Variants in PCSK6 observed in about 807,000 individuals in gnomAD.
The protein encoded by PCSK6 is paired basic amino acid cleaving enzyme 4.
In PCSK6, 85 loss-of-function variants were observed where a neutral mutation model predicts 123.3. The observed-to-expected ratio is 0.69, with a 90% confidence interval of 0.58 to 0.83. The LOEUF is 0.83. Ranked by LOEUF, PCSK6 falls within the 40% of genes least tolerant of loss-of-function variation. The pLI is 0.00. For synonymous variants in PCSK6, 508 were observed against 516.0 expected (o/e 0.98, Z 0.21); for missense variants, 1,191 against 1,282.3 (o/e 0.93, Z 1.09).
chr15:101,409,622 T>C (rs2042886236), intron 6 of PCSK6, among the ~76,000 whole-genome samples: 1 of 150,054 alleles, frequency 6.7e-6, no homozygotes, highest in South Asian at 2.1e-4. Context: ...TGTACCATAA[T>C]GCAGTGTCCC....
chr15:101,379,046 C>T lies in PCSK6; in HGVS notation c.1532+3046G>A, dbSNP rs113874670. 3.7e-3 allele frequency among the ~76,000 whole-genome samples: 564 copies of T among 152,366 alleles called. 6 individuals carry two copies. Among genetic ancestry groups the T allele is most frequent in the African/African-American group, 0.013 (531 of 41,592 alleles). ...GCCACTGGGGCAGCGTTGGAGACAGCAGCTCCGCAGGGGGACACCATGGGT... is the reference window on the plus strand; with the variant it reads ...GCCACTGGGGCAGCGTTGGAGACAGTAGCTCCGCAGGGGGACACCATGGGT... On this transcript the variant is annotated intron_variant, in intron 11 of 21. Coordinates refer to ENST00000611716, the MANE Select transcript of PCSK6 (RefSeq NM_002570.5).
chr15:101,472,252 G>A (rs1596373218), intron 1 of PCSK6, among the ~76,000 whole-genome samples: 1 of 152,212 alleles, frequency 6.6e-6, no homozygotes, highest in East Asian at 1.9e-4. Context: ...TGCTATGAAG[G>A]GGCCGACGCA....
intron 1 of PCSK6, among the ~76,000 whole-genome samples, chr15:101,468,178 A>C (rs2057512549): frequency 6.6e-6 from 1 of 152,178 alleles, no homozygotes; most frequent in Non-Finnish European, 1.5e-5. Context: ...TGTGATGTGG[A>C]GACAGGGAAA....
intron 1 of PCSK6, among the ~76,000 whole-genome samples, chr15:101,485,306 T>C (rs1198830748): frequency 2.0e-5 from 3 of 152,218 alleles, no homozygotes; most frequent in Non-Finnish European, 4.4e-5. Flanking sequence ...TTTTTCTTAG[T>C]GATTTATAGT....
In PCSK6 at chr15:101,443,564, C is replaced by T. The variant is rs1443443103; in HGVS notation, c.394G>A (p.Asp132Asn). 1 of 1,611,404 alleles carries T rather than the reference C, an allele frequency of 6.2e-7. No homozygotes were observed. The highest frequency in any genetic ancestry group is 2.2e-5 in the East Asian group (1 of 44,874). The part of the protein sequence containing the change: ...SRGPHTFLRM[D>N]PQVKWLQQQE... ...ATCCGGACACTCTGTACCTGGGGGTCCATTCTGAGGAAGGTGTGAGGGCCT... is the reference window on the plus strand; with the variant it reads ...ATCCGGACACTCTGTACCTGGGGGTTCATTCTGAGGAAGGTGTGAGGGCCT... Residue 132 changes from aspartate (D) to asparagine (N), a missense_variant, in exon 2 of 22, where the codon GAC becomes AAC. Asp to Asn is a conservative substitution (Grantham distance 23). Around this residue, in one of 3 missense-constraint regions of PCSK6, gnomAD observed 204 missense variants for 166.4 expected, o/e 1.23. Coordinates refer to ENST00000611716, the MANE Select transcript of PCSK6 (RefSeq NM_002570.5).
At chr15:101,428,432 A>T (rs1023224799) in intron 5 of PCSK6, among the ~76,000 whole-genome samples, 1 of 151,956 alleles carries the variant, frequency 6.6e-6, no homozygotes, top group Non-Finnish European at 1.5e-5. Flanking sequence ...TCTGGTGCTG[A>T]TGTCACCTGC....
intron 6 of PCSK6, among the ~76,000 whole-genome samples, chr15:101,404,396 T>C (rs2042706442): frequency 6.6e-6 from 1 of 152,162 alleles, no homozygotes; most frequent in Non-Finnish European, 1.5e-5. Flanking sequence ...GTGGGGTCTT[T>C]CCCAAATCTG....
intron 1 of PCSK6, among the ~76,000 whole-genome samples, chr15:101,471,100 G>C (rs1427248848): frequency 6.6e-6 from 1 of 152,086 alleles, no homozygotes; most frequent in African/African-American, 2.4e-5. Flanking sequence ...CTTCTCCCTG[G>C]GGCTGAAACT....
chr15:101,383,289 C>T (rs1177721055), intron 10 of PCSK6, among the ~76,000 whole-genome samples: 1 of 151,884 alleles, frequency 6.6e-6, no homozygotes, highest in Non-Finnish European at 1.5e-5. Flanking sequence ...CACCTGTAAT[C>T]CCAGCTACTC....
rs117734475 is a variant in PCSK6, at chr15:101,445,466, C to G, written c.298-1806G>C. 6.7e-3 allele frequency among the ~76,000 whole-genome samples: 1,024 copies of G among 152,304 alleles called. 24 individuals carry two copies. The highest frequency in any genetic ancestry group is 0.049 in the Admixed American group (749 of 15,300). Reference sequence around the variant, plus strand: ...CGGTTTTCCGCAATTCTGATTCTCACATTTTTCTGCCATCATAAACCTCAT... The same window carrying G: ...CGGTTTTCCGCAATTCTGATTCTCAGATTTTTCTGCCATCATAAACCTCAT... On this transcript the variant is annotated intron_variant, in intron 1 of 21. Coordinates refer to ENST00000611716, the MANE Select transcript of PCSK6 (RefSeq NM_002570.5).
In PCSK6 at chr15:101,350,510, G is replaced by A. The variant is rs540508091; in HGVS notation, c.1858+15686C>T. Among the ~76,000 whole-genome samples, 3 of 152,264 alleles carry A rather than the reference G, an allele frequency of 2.0e-5. No homozygotes were observed. In the East Asian group the frequency reaches 5.8e-4, roughly 29 times the overall value. ...TGGAAAAATGACTTTTTAGCATATG[G>A]AGAATTCAGATGATCACTATTTACT... On this transcript the variant is annotated intron_variant, in intron 13 of 21. Transcript: ENST00000611716.
chr15:101,423,054 A>C (rs1053149355), intron 6 of PCSK6, among the ~76,000 whole-genome samples: 1 of 152,198 alleles, frequency 6.6e-6, no homozygotes, highest in Non-Finnish European at 1.5e-5. Flanking sequence ...TAAAGAGAAA[A>C]ATCAGTCATT....
chr15:101,425,625 T>TA, intron 6 of PCSK6, among the ~76,000 whole-genome samples: 1 of 122,706 alleles, frequency 8.1e-6, no homozygotes, highest in South Asian at 2.3e-4. Context: ...CCTGCTGTTG[T>TA]TTATATACAT....
In PCSK6 at chr15:101,480,116, C is replaced by T. The variant is rs111825575; in HGVS notation, c.297+9258G>A. Reference sequence around the variant, plus strand: ...ACCCACTGATGGATTCCCCCCAGGGCGGTCTGGCTGATCACTCAGAGCTTC... The same window carrying T: ...ACCCACTGATGGATTCCCCCCAGGGTGGTCTGGCTGATCACTCAGAGCTTC... On this transcript the variant is annotated intron_variant, in intron 1 of 21. Transcript: ENST00000611716. Among the ~76,000 whole-genome samples the T allele has an allele frequency of 3.2e-4, 48 of 152,336 alleles. 2 individuals carry two copies. Among genetic ancestry groups the T allele is most frequent in the African/African-American group, 1.1e-3 (44 of 41,570 alleles).
chr15:101,420,679 A>T lies in PCSK6; in HGVS notation c.823+7213T>A, dbSNP rs148521718. 1.8e-3 allele frequency among the ~76,000 whole-genome samples: 280 copies of T among 152,310 alleles called. 1 individual carries two copies. Among genetic ancestry groups the T allele is most frequent in the African/African-American group, 6.4e-3 (265 of 41,572 alleles). Reference sequence around the variant, plus strand: ...TGCCCAGCCCATAAAAACTTTAAACAGATTTTTATTAAAAAATTATATATG... The same window carrying T: ...TGCCCAGCCCATAAAAACTTTAAACTGATTTTTATTAAAAAATTATATATG... On this transcript the variant is annotated intron_variant, in intron 6 of 21. Transcript: ENST00000611716.
intron 1 of PCSK6, among the ~76,000 whole-genome samples, chr15:101,485,957 ATTTTTTTT>A (rs11303524): frequency 6.9e-5 from 8 of 116,108 alleles, no homozygotes; most frequent in African/African-American, 2.7e-4. Flanking sequence ...ATTTATTTAA[ATTTTTTTT>A]TTTTTTTTTT....
At chr15:101,310,194 G>C (rs2039823573) in intron 20 of PCSK6, among the ~76,000 whole-genome samples, 1 of 152,212 alleles carries the variant, frequency 6.6e-6, no homozygotes, top group African/African-American at 2.4e-5. Flanking sequence ...CTCTTCCTGG[G>C]GGGTGCTTCT....
At chr15:101,488,706 C>T (rs2058080114) in intron 1 of PCSK6, among the ~76,000 whole-genome samples, 1 of 152,136 alleles carries the variant, frequency 6.6e-6, no homozygotes, top group Non-Finnish European at 1.5e-5. Context: ...CCTCCCTCCG[C>T]TCCTGGAGAG....
At chr15:101,401,486 G>A (rs960202226) in intron 6 of PCSK6, among the ~76,000 whole-genome samples, 7 of 152,178 alleles carry the variant, frequency 4.6e-5, no homozygotes, top group Non-Finnish European at 1.0e-4. Context: ...CTCGACGCCT[G>A]CTCCCAAGGG....
Sources: gnomAD v4.1 joint callset for allele counts (sites outside exome capture counted in the v4.1 genomes callset) on GRCh38, gnomAD v4.1.1 for gene constraint, gnomAD v4.1.1 regional missense constraint, MANE v1.5 for transcripts, NCBI Gene and HGNC (gene_info 2026-07-23, HGNC 2026-07-21) for gene names.